Variants in CRB2 observed in about 807,000 individuals in gnomAD.
CRB2 encodes the protein protein crumbs homolog 2.
Under a neutral mutation model 110.9 loss-of-function variants are expected in CRB2, and 85 were observed. That is an observed-to-expected ratio of 0.77 (90% CI 0.64 to 0.92). The LOEUF is 0.92. CRB2 is among the 40% of genes least tolerant of loss of function. CRB2 has a pLI of 0.00. For synonymous variants in CRB2, 907 were observed against 831.0 expected, an observed-to-expected ratio of 1.09 and a Z score of -1.57; for missense variants, 1,843 against 1,851.3, an observed-to-expected ratio of 1.00 and a Z score of 0.08.
chr9:123,375,306 G>A lies in CRB2; in HGVS notation c.3596G>A (p.Cys1199Tyr). The A allele has an allele frequency of 1.2e-6, 2 of 1,609,646 alleles. No homozygotes were observed. Among genetic ancestry groups the A allele is most frequent in the Non-Finnish European group, 1.7e-6 (2 of 1,177,622 alleles). Reference protein sequence around the residue: ...RAAGGVSECICNARFSGQFCE... With the variant: ...RAAGGVSECIYNARFSGQFCE... ...GCTGGAGGGGTGTCTGAATGTATCTGCAATGCCAGATTCTCCGGCCAGTTC... is the reference window on the plus strand; with the variant it reads ...GCTGGAGGGGTGTCTGAATGTATCTACAATGCCAGATTCTCCGGCCAGTTC... The change falls in exon 12 of 13, where the codon TGC becomes TAC. Residue 1199 changes from cysteine (C) to tyrosine (Y), a missense_variant. Physicochemically the swap from Cys to Tyr is radical, Grantham distance 194. Transcript: ENST00000373631.
chr9:123,361,137 A>AAGG (rs1554781915), intron 1 of CRB2, among the ~76,000 whole-genome samples: 4 of 53,794 alleles, frequency 7.4e-5, no homozygotes, highest in Non-Finnish European at 1.9e-4. Context: ...ATGGGCGGGG[A>AAGG]GGGGGGGGGG....
rs781770011 is a variant in CRB2 at position 123,373,911 on chromosome 9, C to A, written c.3380C>A (p.Pro1127Gln). Reference sequence around the variant, plus strand: ...CGCTGCCCGCCTGGCTTCGGGGGCCCGCGCTGCAGGTGGGATGGCTGGGCA... The same window carrying A: ...CGCTGCCCGCCTGGCTTCGGGGGCCAGCGCTGCAGGTGGGATGGCTGGGCA... ...ECRCPPGFGG[P>Q]RCRLPVPSKE... The change falls in exon 10 of 13, where the codon CCG (proline) becomes CAG (glutamine). Residue 1127 changes from proline to glutamine, a missense_variant. By Grantham distance (76) the Pro-to-Gln change is moderately conservative. Coordinates refer to ENST00000373631, the MANE Select transcript of CRB2 (RefSeq NM_173689.7). The A allele has an allele frequency of 9.0e-6, 14 of 1,549,242 alleles. No individual in the cohort carries two copies. The highest frequency in any genetic ancestry group is 5.5e-5 in the African/African-American group (4 of 73,060).
chr9:123,371,087 T>A lies in CRB2; in HGVS notation c.1945T>A (p.Phe649Ile). The A allele has an allele frequency of 6.2e-7, 1 of 1,612,788 alleles. No homozygotes were observed. Among genetic ancestry groups the A allele is most frequent in the Non-Finnish European group, 8.5e-7 (1 of 1,179,704 alleles). Residue 649 changes from phenylalanine (F) to isoleucine (I), a missense_variant, in exon 8 of 13, where the codon TTT becomes ATT. Transcript: ENST00000373631. ...CCCTGCAGAGATTCCTGCTGCCACC[T>A]TTGGCTTGGGAGGCGCCCCAAGCTC... ...TCADEIPAATFGLGGAPSSAS... is the reference protein window; with the variant it reads ...TCADEIPAATIGLGGAPSSAS...
At chr9:123,379,106 G>A (rs916653081), downstream of CRB2, among the ~76,000 whole-genome samples, 18 of 106,956 alleles carry the variant, frequency 1.7e-4, no homozygotes, top group South Asian at 7.3e-4. Context: ...CGCCCGGCCC[G>A]CGTGCCTGTC....
chr9:123,376,502 CCCTGCT>C (rs766650710), intron 12 of CRB2, among the ~76,000 whole-genome samples: 1 of 152,086 alleles, frequency 6.6e-6, no homozygotes, highest in Non-Finnish European at 1.5e-5. Flanking sequence ...CTCAGCCTGC[CCCTGCT>C]CCTGCTCTGC....
intron 5 of CRB2, 59 bp downstream of exon 5, chr9:123,367,416 T>TGGGGGG: frequency 1.6e-6 from 2 of 1,279,210 alleles, no homozygotes; most frequent in African/African-American, 2.0e-5. Flanking sequence ...AGGGATCTTG[T>TGGGGGG]GCCCACCCCC....
intron 1 of CRB2, 30 bp from the exon 2 acceptor site, chr9:123,362,835 C>T (rs1351245185): frequency 6.5e-7 from 1 of 1,545,644 alleles, no homozygotes; most frequent in Non-Finnish European, 8.8e-7. Flanking sequence ...CCTCTGCCCA[C>T]CCTGCCCAGC....
At position 123,374,560 on chromosome 9, in the gene CRB2, G is replaced by A. The variant is rs1210984391; in HGVS notation, c.3390-19G>A. ...TCCCAGGTGTCCTGCACCCACTCCAGCCTCTGCTCTCTCCCCAGGTTGCCT... is the reference window on the plus strand; with the variant it reads ...TCCCAGGTGTCCTGCACCCACTCCAACCTCTGCTCTCTCCCCAGGTTGCCT... On this transcript the variant is annotated intron_variant, in intron 10 of 12. Transcript: ENST00000373631. 3 of 1,593,110 alleles carry A rather than the reference G, an allele frequency of 1.9e-6. No homozygotes were observed. Among genetic ancestry groups the A allele is most frequent in the Non-Finnish European group, 2.6e-6 (3 of 1,162,874 alleles).
chr9:123,373,733 G>C lies in CRB2; in HGVS notation c.3202G>C (p.Asp1068His), dbSNP rs754789881. 1 of 1,576,120 alleles carries C rather than the reference G, an allele frequency of 6.3e-7. No individual in the cohort carries two copies. The highest frequency in any genetic ancestry group is 1.1e-5 in the South Asian group (1 of 88,122). The change falls in exon 10 of 13, where the codon GAC becomes CAC. Residue 1068 changes from aspartate to histidine, a missense_variant. Physicochemically the swap from Asp to His is moderately conservative, Grantham distance 81 (BLOSUM62 -1). Transcript: ENST00000373631. ...GTGTGCGCCCTCGCCCTGTCTGCAC[G>C]ACGGTGCCTGCCGTGACCTCTTCGA... The part of the protein sequence containing the change: ...PVCAPSPCLH[D>H]GACRDLFDAF...
At position 123,370,351 on chromosome 9, in the gene CRB2, C is replaced by T. The variant is rs150487212; in HGVS notation, c.1298C>T (p.Pro433Leu). ...CACTGCCCACCTGGTACCCATGGAC[C>T]GTTCTGTGGCCAGAATACCACCTTC... The part of the protein sequence containing the change: ...VCHCPPGTHG[P>L]FCGQNTTFSV... Residue 433 changes from proline to leucine, a missense_variant, in exon 7 of 13, where the codon CCG (proline) becomes CTG (leucine). By Grantham distance (98) the Pro-to-Leu change is moderately conservative. Transcript: ENST00000373631. 404 of 1,613,870 alleles carry T rather than the reference C, an allele frequency of 2.5e-4. No homozygotes were observed. The African/African-American group carries it at 4.5e-3, about 18-fold the overall frequency.
At chr9:123,359,792 G>A (rs10156464) in intron 1 of CRB2, among the ~76,000 whole-genome samples, 18,462 of 152,052 alleles carry the variant, frequency 0.12, 1,241 homozygotes, top group Admixed American at 0.19. Context: ...TTATAAACAG[G>A]CCCATTCTAA....
rs758566750 is a variant in CRB2, at chr9:123,367,206, C to T, written c.789C>T (p.Asp263=). ...YSGELCEVDE[D]ECASSPCQHG... ...GCGAGCTGTGCGAGGTGGACGAGGA[C>T]GAGTGTGCATCGAGCCCCTGCCAGC... The change falls in exon 5 of 13, where the codon GAC becomes GAT. Residue 263 remains aspartate (D), a synonymous_variant. Transcript: ENST00000373631. 18 of 1,601,518 alleles carry T rather than the reference C, an allele frequency of 1.1e-5. No homozygotes were observed. The highest frequency in any genetic ancestry group is 2.2e-5 in the East Asian group (1 of 44,734).
chr9:123,374,752 C>T, intron 11 of CRB2, 57 bp downstream of exon 11: 2 of 1,308,572 alleles, frequency 1.5e-6, no homozygotes, highest in South Asian at 2.5e-5. Flanking sequence ...AGGGCTGTTC[C>T]TCCAGCCAGG....
intron 6 of CRB2, 77 bp downstream of exon 6, chr9:123,367,763 T>C: frequency 1.0e-6 from 1 of 955,284 alleles, no homozygotes; most frequent in Non-Finnish European, 1.6e-6. Flanking sequence ...TGTCTGGATG[T>C]GTGGATTGAT....
chr9:123,370,626 G>A lies in CRB2; in HGVS notation c.1573G>A (p.Val525Met), dbSNP rs769681092. Residue 525 changes from valine (V) to methionine (M), a missense_variant, in exon 7 of 13, where the codon GTG becomes ATG. Val to Met is a conservative substitution (Grantham distance 21, BLOSUM62 1). Transcript: ENST00000373631. ...TGGCCATTGGCACCAGGTGGAGGTT[G>A]TGCTCCATCTAGCGACCCTGGAGCT... ...NDGHWHQVEV[V>M]LHLATLELRL... 1.9e-5 allele frequency: 30 copies of A among 1,611,416 alleles called. No individual in the cohort carries two copies. In the Middle Eastern group the frequency reaches 6.6e-4, roughly 35 times the overall value.
intron 6 of CRB2, chr9:123,368,810 G>T: frequency 8.2e-7 from 1 of 1,213,342 alleles, no homozygotes; most frequent in Non-Finnish European, 1.0e-6. Flanking sequence ...GAGGCAGCTG[G>T]GCCAGGCAGG....
At chr9:123,354,818 C>G (rs1029299679), upstream of CRB2, among the ~76,000 whole-genome samples, 4 of 152,148 alleles carry the variant, frequency 2.6e-5, no homozygotes, top group African/African-American at 9.7e-5. Context: ...CTCCTTTGGT[C>G]CCTGGGGACC....
intron 6 of CRB2, 24 bp downstream of exon 6, chr9:123,367,710 G>A: frequency 2.0e-6 from 3 of 1,467,672 alleles, no homozygotes; most frequent in African/African-American, 1.4e-5. Context: ...GGTGGGCCCT[G>A]GGACCATCAG....
At chr9:123,374,030 G>A in intron 10 of CRB2, 110 bp downstream of exon 10, 1 of 1,329,116 alleles carries the variant, frequency 7.5e-7, no homozygotes, top group Non-Finnish European at 1.1e-6. Context: ...TGGTCCTCAT[G>A]TCCTTATCTG....
Sources: gnomAD v4.1 joint callset for allele counts (sites outside exome capture counted in the v4.1 genomes callset) on GRCh38, gnomAD v4.1.1 for gene constraint, MANE v1.5 for transcripts, NCBI Gene and HGNC (gene_info 2026-07-23, HGNC 2026-07-21) for gene names.